Variants in PTK2B observed in about 807,000 individuals in gnomAD.
The protein encoded by PTK2B is protein-tyrosine kinase 2-beta.
PTK2B carries 71 observed loss-of-function variants against 142.9 expected under a neutral mutation model. The observed-to-expected ratio is 0.50, with a 90% CI of 0.41 to 0.61. PTK2B has a LOEUF of 0.61. PTK2B is among the 20% of genes least tolerant of loss of function. The pLI is 0.00. For missense variants in PTK2B, 1,105 were observed against 1,320.4 expected (o/e 0.84, Z 2.53); for synonymous variants, 519 against 503.4 (o/e 1.03, Z -0.42).
upstream of PTK2B, among the ~76,000 whole-genome samples, chr8:27,321,986 TTTCTTTG>T (rs1803227886): frequency 6.6e-6 from 1 of 151,982 alleles, no homozygotes; most frequent in Non-Finnish European, 1.5e-5. Flanking sequence ...CCCATAAGTT[TTTCTTTG>T]TCCCTTTTTT....
At chr8:27,421,681 C>T (rs1168981577) in intron 4 of PTK2B, among the ~76,000 whole-genome samples, 1 of 152,204 alleles carries the variant, frequency 6.6e-6, no homozygotes, top group East Asian at 1.9e-4. Context: ...AATACCACCC[C>T]CCTCCTCAGC....
At chr8:27,435,134 T>C (rs1810692135) in intron 13 of PTK2B, among the ~76,000 whole-genome samples, 2 of 152,272 alleles carry the variant, frequency 1.3e-5, no homozygotes, top group Non-Finnish European at 2.9e-5. Flanking sequence ...CTCACAGTTC[T>C]AGAGGCTGGA....
rs140672253 is a variant in PTK2B at position 27,430,947 on chromosome 8, C to T, written c.741C>T (p.Val247=). The T allele has an allele frequency of 6.7e-5, 108 of 1,614,202 alleles. 1 individual carries two copies. The African/African-American group carries it at 1.2e-3, about 19-fold the overall frequency. ...CCTCGCTCAGGGAGGAGGAGTGCGT[C>T]ATGAAGTTCTTCAACACTCTCGCCG... ...QYASLREEEC[V]MKFFNTLAGF... The change falls in exon 8 of 31, where the codon GTC becomes GTT. Residue 247 remains valine, a synonymous_variant. Coordinates refer to ENST00000346049, the MANE Select transcript of PTK2B (RefSeq NM_173176.3).
At chr8:27,393,256 A>G (rs537715689) in intron 1 of PTK2B, among the ~76,000 whole-genome samples, 1 of 152,324 alleles carries the variant, frequency 6.6e-6, no homozygotes, top group South Asian at 2.1e-4. Flanking sequence ...GTGTTTCTGT[A>G]TAGATTTTTA....
chr8:27,435,672 C>A, intron 13 of PTK2B, 71 bp from the exon 14 acceptor site: 4 of 1,571,372 alleles, frequency 2.5e-6, no homozygotes, highest in Non-Finnish European at 2.6e-6. Flanking sequence ...GCAGGGAGCC[C>A]CACACCTGAT....
Position 27,445,771 on chromosome 8 carries a change from GCTT to G in PTK2B, c.2215-19_2215-17del. On this transcript the variant is annotated intron_variant, in intron 23 of 30. Coordinates refer to ENST00000346049, the MANE Select transcript of PTK2B (RefSeq NM_173176.3). ...CTTCTCGCTTTGTCCCGTGCCTTGT[GCTT>G]CTTTGCTTTTCCTGAATAGGTTCCT... 6.2e-7 allele frequency: 1 copy of G among 1,612,508 alleles called. No homozygotes were observed. Among genetic ancestry groups the G allele is most frequent in the Non-Finnish European group, 8.5e-7 (1 of 1,180,004 alleles).
chr8:27,431,348 G>C (rs1810407726), intron 8 of PTK2B, 50 bp from the exon 9 acceptor site: 1 of 1,613,588 alleles, frequency 6.2e-7, no homozygotes, highest in African/African-American at 1.3e-5. Context: ...AGTTTCTGAA[G>C]AATGGGGAGG....
intron 5 of PTK2B, among the ~76,000 whole-genome samples, chr8:27,422,617 C>T (rs889908271): frequency 2.6e-5 from 4 of 152,190 alleles, no homozygotes; most frequent in Non-Finnish European, 4.4e-5. Context: ...TCCATTGCTG[C>T]CACTGCTCTT....
At chr8:27,334,819 G>A (rs1803963796) in intron 1 of PTK2B, among the ~76,000 whole-genome samples, 1 of 152,180 alleles carries the variant, frequency 6.6e-6, no homozygotes, top group Non-Finnish European at 1.5e-5. Flanking sequence ...TTGCCCTGTG[G>A]TTAGGATGCC....
At chr8:27,335,145 C>T (rs1803983005) in intron 1 of PTK2B, among the ~76,000 whole-genome samples, 1 of 152,222 alleles carries the variant, frequency 6.6e-6, no homozygotes, top group Admixed American at 6.5e-5. Flanking sequence ...CTCCAGTGTA[C>T]ACAGACATAG....
Position 27,397,596 on chromosome 8 carries a change from G to T in PTK2B, c.12G>T (p.Val4=). The change falls in exon 2 of 31, where the codon GTG becomes GTT. Residue 4 remains valine (V), a synonymous_variant. Transcript: ENST00000346049. ...TGCTGCCTGAGAGGATGTCTGGGGT[G>T]TCCGAGCCCCTGAGTCGAGTAAAGT... The part of the protein sequence containing the change: MSG[V]SEPLSRVKLG... The T allele has an allele frequency of 6.2e-7, 1 of 1,613,848 alleles. No homozygotes were observed.
rs145813839 is a variant in PTK2B at position 27,359,371 on chromosome 8, C to T, written c.-38+33690C>T. ...CCTCAAGCGATCTGCCTGCCTCAGC[C>T]TCCCAAAGTGCTGGGATTACAGGCG... On this transcript the variant is annotated intron_variant, in intron 1 of 30. Transcript: ENST00000346049. Among the ~76,000 whole-genome samples the T allele has an allele frequency of 7.3e-3, 1,118 of 152,354 alleles. 8 individuals carry two copies. The highest frequency in any genetic ancestry group is 0.02 in the Middle Eastern group (6 of 294).
In PTK2B at chr8:27,458,537, C is replaced by T. The variant is rs768105351; in HGVS notation, c.*28C>T. On this transcript the variant is annotated 3_prime_UTR_variant, in exon 31 of 31. Transcript: ENST00000346049. ...GAGGGTGGGGGCCACCTGCCTGCGT[C>T]TTCCGCCCCTGCCTGCCATGTACCT... 8.4e-6 allele frequency: 13 copies of T among 1,546,004 alleles called. No homozygotes were observed. The African/African-American group carries it at 1.8e-4, about 21-fold the overall frequency.
chr8:27,453,000 T>G, intron 27 of PTK2B, 114 bp from the exon 28 acceptor site: 14 of 1,279,876 alleles, frequency 1.1e-5, no homozygotes, highest in Non-Finnish European at 1.6e-5. Flanking sequence ...AGAGTTAATT[T>G]CCCTGAAGTC....
Position 27,436,368 on chromosome 8 carries a change from C to A in PTK2B, c.1341+20C>A. The A allele has an allele frequency of 6.3e-7, 1 of 1,580,894 alleles. No homozygotes were observed. Among genetic ancestry groups the A allele is most frequent in the South Asian group, 1.1e-5 (1 of 90,328 alleles). Reference sequence around the variant, plus strand: ...AATCACGTGAGTTCTAGGATCTTCCCTTACACTCCTCTTCCACATGTCTGT... The same window carrying A: ...AATCACGTGAGTTCTAGGATCTTCCATTACACTCCTCTTCCACATGTCTGT... On this transcript the variant is annotated intron_variant, in intron 15 of 30. Coordinates refer to ENST00000346049, the MANE Select transcript of PTK2B (RefSeq NM_173176.3).
At chr8:27,326,100 T>C (rs920843213) in intron 1 of PTK2B, among the ~76,000 whole-genome samples, 3 of 152,070 alleles carry the variant, frequency 2.0e-5, no homozygotes, top group African/African-American at 7.2e-5. Flanking sequence ...CCAGGGGTTA[T>C]AGTCTCACCC....
chr8:27,392,920 A>C (rs1440511960), intron 1 of PTK2B, among the ~76,000 whole-genome samples: 1 of 152,240 alleles, frequency 6.6e-6, no homozygotes, highest in African/African-American at 2.4e-5. Flanking sequence ...AAGTCCTGGC[A>C]CAAGAAGGGT....
At chr8:27,449,893 G>A (rs1325066777) in intron 24 of PTK2B, among the ~76,000 whole-genome samples, 1 of 152,110 alleles carries the variant, frequency 6.6e-6, no homozygotes, top group Non-Finnish European at 1.5e-5. Context: ...GGGAGAGGAA[G>A]CATTTATCTT....
chr8:27,374,450 G>T (rs1034539509), intron 1 of PTK2B, among the ~76,000 whole-genome samples: 6 of 152,246 alleles, frequency 3.9e-5, no homozygotes, highest in African/African-American at 1.4e-4. Flanking sequence ...GGTGGGTCAG[G>T]AGGCAGAGAG....
Sources: gnomAD v4.1 joint callset for allele counts (sites outside exome capture counted in the v4.1 genomes callset) on GRCh38, gnomAD v4.1.1 for gene constraint, MANE v1.5 for transcripts, NCBI Gene and HGNC (gene_info 2026-07-23, HGNC 2026-07-21) for gene names.